Variants in FGFR2 observed in about 807,000 individuals in gnomAD.
The protein encoded by FGFR2 is BEK fibroblast growth factor receptor.
In FGFR2, 19 loss-of-function variants were observed where a neutral mutation model predicts 95.9. The observed-to-expected ratio is 0.20, with a 90% CI of 0.14 to 0.29. The LOEUF (loss-of-function observed/expected upper bound fraction) is 0.29. Among genes scored for constraint, FGFR2 ranks in the 10% least tolerant of loss-of-function variants. FGFR2 has a pLI of 1.00. For synonymous variants in FGFR2, 392 were observed against 393.3 expected (o/e 1.00, Z 0.04); for missense variants, 707 against 1,056.9 (o/e 0.67, Z 4.59).
chr10:121,557,292 A>ATT (rs759943996), intron 4 of FGFR2, among the ~76,000 whole-genome samples: 14 of 152,204 alleles, frequency 9.2e-5, no homozygotes, highest in Non-Finnish European at 1.9e-4. Context: ...AGTATTTGTG[A>ATT]TAAAATACCA....
In FGFR2 at chr10:121,517,371, C is replaced by A. The variant is rs121918491; in HGVS notation, c.1032G>T (p.Ala344=). The change falls in exon 8 of 18, where the codon GCG becomes GCT. Residue 344 remains alanine (A), a synonymous_variant. Coordinates refer to ENST00000358487, the MANE Select transcript of FGFR2 (RefSeq NM_000141.5). The surrounding 1 kb of genome is among the most constrained non-coding windows in gnomAD (Gnocchi z 4.7). ...GAAAGGATATCCCAATAGAATTACC[C>A]GCCAAGCACGTATATTCCCCAGCGT... ...FEDAGEYTCL[A]GNSIGISFHS... is the part of the protein sequence containing the mutation. 6.2e-7 allele frequency: 1 copy of A among 1,614,176 alleles called. No homozygotes were observed.
intron 16 of FGFR2, among the ~76,000 whole-genome samples, chr10:121,484,938 G>A (rs1041874798): frequency 8.5e-5 from 13 of 152,160 alleles, no homozygotes; most frequent in African/African-American, 3.1e-4. Flanking sequence ...TACTGGCCAC[G>A]ATGGGGCCAG....
intron 2 of FGFR2, among the ~76,000 whole-genome samples, chr10:121,584,316 C>T (rs1861421164): frequency 6.6e-6 from 1 of 151,740 alleles, no homozygotes; most frequent in South Asian, 2.1e-4. Context: ...TCCAGCCTGG[C>T]CAAAAGCAGA....
intron 13 of FGFR2, among the ~76,000 whole-genome samples, chr10:121,492,065 A>C (rs1846211822): frequency 6.6e-6 from 1 of 151,520 alleles, no homozygotes; most frequent in Non-Finnish European, 1.5e-5. Flanking sequence ...AGTCCCAGCA[A>C]CTCAGGAGGC....
rs41295481 is a variant in FGFR2, at chr10:121,541,630, G to T, written c.625-2915C>A. 1.9e-3 allele frequency among the ~76,000 whole-genome samples: 289 copies of T among 152,228 alleles called. 2 individuals carry two copies. The highest frequency in any genetic ancestry group is 6.5e-3 in the African/African-American group (269 of 41,534). ...ACCGTCTTTGCTTTCAGAGAAGAGG[G>T]AATGTAAATACCCAATAAACATATG... is the stretch of plus-strand genomic sequence containing the variant. On this transcript the variant is annotated intron_variant, in intron 5 of 17. Transcript: ENST00000358487.
intron 12 of FGFR2, among the ~76,000 whole-genome samples, chr10:121,497,450 T>C (rs1847021421): frequency 1.3e-5 from 2 of 152,244 alleles, no homozygotes. Context: ...ACCCATACAT[T>C]ATCCTTTTGG....
intron 6 of FGFR2, chr10:121,526,700 G>A (rs1051891672): frequency 1.0e-5 from 4 of 397,234 alleles, no homozygotes; most frequent in African/African-American, 8.2e-5. Context: ...ATAGATGAGT[G>A]GGCTGGGATG....
At chr10:121,519,098 T>C (rs1205046750) in intron 7 of FGFR2, among the ~76,000 whole-genome samples, 1 of 152,176 alleles carries the variant, frequency 6.6e-6, no homozygotes, top group African/African-American at 2.4e-5. Context: ...ATGCCTTTGA[T>C]CCTTGGAATT....
chr10:121,506,592 A>G (rs919110585), intron 9 of FGFR2, among the ~76,000 whole-genome samples: 6 of 152,182 alleles, frequency 3.9e-5, no homozygotes, highest in Non-Finnish European at 8.8e-5. Context: ...GTTAACACCC[A>G]GCAGAGGCAG....
At chr10:121,574,512 G>A (rs1290776605) in intron 2 of FGFR2, among the ~76,000 whole-genome samples, 1 of 151,628 alleles carries the variant, frequency 6.6e-6, no homozygotes, top group Non-Finnish European at 1.5e-5. Context: ...CTGGGTGACA[G>A]AACTAAACTC....
chr10:121,535,526 C>A (rs1852709647), intron 6 of FGFR2, among the ~76,000 whole-genome samples: 1 of 152,176 alleles, frequency 6.6e-6, no homozygotes, highest in South Asian at 2.1e-4. Context: ...ATGAGTCATC[C>A]CAGCATTGTA....
chr10:121,501,122 T>C (rs564140262), intron 10 of FGFR2, among the ~76,000 whole-genome samples, 175 bp from the exon 11 acceptor site: 2 of 152,312 alleles, frequency 1.3e-5, no homozygotes, highest in Admixed American at 6.5e-5. Flanking sequence ...CTAGTGACGT[T>C]TTAGAGAATG....
chr10:121,547,586 G>A (rs1180384805), intron 5 of FGFR2, among the ~76,000 whole-genome samples: 1 of 151,868 alleles, frequency 6.6e-6, no homozygotes, highest in Non-Finnish European at 1.5e-5. Context: ...TGCAGAAATG[G>A]GGGTCTCACT....
intron 2 of FGFR2, among the ~76,000 whole-genome samples, chr10:121,571,672 G>C (rs140664124): frequency 6.6e-6 from 1 of 151,974 alleles, no homozygotes; most frequent in Non-Finnish European, 1.5e-5. Flanking sequence ...GGCCGGGCGC[G>C]GTGGCTCGTG....
chr10:121,569,238 T>C (rs1215449733), intron 2 of FGFR2, among the ~76,000 whole-genome samples: 1 of 144,006 alleles, frequency 6.9e-6, no homozygotes, highest in African/African-American at 2.6e-5. Context: ...TTTTTTTTTT[T>C]GAGACAGAGT....
intron 2 of FGFR2, among the ~76,000 whole-genome samples, chr10:121,579,125 A>T (rs1860417242): frequency 6.6e-6 from 1 of 152,232 alleles, no homozygotes; most frequent in Non-Finnish European, 1.5e-5. Context: ...CCTCAGAGTC[A>T]TGCTTTAGAG....
At chr10:121,550,995 C>T (rs746472220) in intron 5 of FGFR2, among the ~76,000 whole-genome samples, 18 of 152,056 alleles carry the variant, frequency 1.2e-4, no homozygotes, top group Non-Finnish European at 2.1e-4. Context: ...CCGAGGCAGG[C>T]GGATCACGAG....
chr10:121,585,119 GTTA>G (rs766666205), intron 2 of FGFR2, among the ~76,000 whole-genome samples: 1 of 152,186 alleles, frequency 6.6e-6, no homozygotes, highest in Non-Finnish European at 1.5e-5. Context: ...TGTGTCTGCT[GTTA>G]TTATTACAGA....
intron 5 of FGFR2, among the ~76,000 whole-genome samples, chr10:121,544,536 G>T (rs1161968401): frequency 2.6e-5 from 4 of 151,898 alleles, no homozygotes; most frequent in African/African-American, 9.7e-5. Flanking sequence ...CTACAATATG[G>T]ATGGACTTTT....
Sources: gnomAD v4.1 joint callset for allele counts (sites outside exome capture counted in the v4.1 genomes callset) on GRCh38, gnomAD v4.1.1 for gene constraint, Gnocchi (gnomAD v3.1) non-coding constraint, MANE v1.5 for transcripts, NCBI Gene and HGNC (gene_info 2026-07-23, HGNC 2026-07-21) for gene names.